Variants in SLAIN1 observed in about 807,000 individuals in gnomAD.
SLAIN1 encodes SLAIN motif-containing protein 1.
A neutral mutation model predicts 55.4 loss-of-function variants in SLAIN1; 17 were observed. That is an observed-to-expected ratio of 0.31 (90% CI 0.21 to 0.46). SLAIN1 has a LOEUF of 0.46. SLAIN1 is among the 20% of genes least tolerant of loss of function. SLAIN1 has a pLI of 1.00. For missense variants in SLAIN1, 682 were observed against 785.1 expected, an observed-to-expected ratio of 0.87 and a Z score of 1.57; for synonymous variants, 348 against 337.4, an observed-to-expected ratio of 1.03 and a Z score of -0.35.
At chr13:77,703,596 G>T (rs1165592397) in intron 1 of SLAIN1, among the ~76,000 whole-genome samples, 2 of 151,960 alleles carry the variant, frequency 1.3e-5, no homozygotes, top group Non-Finnish European at 2.9e-5. Flanking sequence ...GGCAGGGTTG[G>T]GGGTGGAGGG....
intron 5 of SLAIN1, among the ~76,000 whole-genome samples, chr13:77,758,912 G>A (rs977544588): frequency 5.9e-5 from 9 of 151,866 alleles, no homozygotes; most frequent in African/African-American, 2.2e-4. Context: ...TATGTGGGCC[G>A]TTTTTTGGTT....
At chr13:77,762,269 A>C (rs1345930141) in intron 6 of SLAIN1, among the ~76,000 whole-genome samples, 8 of 152,162 alleles carry the variant, frequency 5.3e-5, no homozygotes, top group Non-Finnish European at 1.2e-4. Flanking sequence ...GTTATTGTAG[A>C]CCATACATTT....
At chr13:77,742,938 C>G in intron 2 of SLAIN1, 21 of 600,164 alleles carry the variant, frequency 3.5e-5, no homozygotes, top group Non-Finnish European at 4.1e-5. Context: ...TTTTTTTATT[C>G]TCTTCCCTTT....
At position 77,744,549 on chromosome 13, in the gene SLAIN1, T is replaced by C. The variant is rs1290168028; in HGVS notation, c.916+117T>C. On this transcript the variant is annotated intron_variant, in intron 3 of 6. Coordinates refer to ENST00000418532, the MANE Select transcript of SLAIN1 (RefSeq NM_001242868.2). ...GCAAATAATTAGATTCTTTCTCTCA[T>C]ACTGTCCTACTTTTTAGGTGGAGCC... is the stretch of plus-strand genomic sequence containing the variant. 4 of 1,520,448 alleles carry C rather than the reference T, an allele frequency of 2.6e-6. No homozygotes were observed. In the East Asian group the frequency reaches 7.1e-5, roughly 27 times the overall value. 94.2% of individuals were successfully genotyped at this position (1,520,448 alleles called of 1,614,324 possible). A position where few individuals can be genotyped will look rare whatever the true frequency, so the allele number is the denominator to read the frequency against.
Position 77,746,214 on chromosome 13 carries a change from CTTGAT to C in SLAIN1, c.917-295_917-291del, listed in dbSNP as rs377534596. Among the ~76,000 whole-genome samples the C allele has an allele frequency of 2.6e-4, 40 of 152,134 alleles. No homozygotes were observed. The Middle Eastern group carries it at 0.01, about 39-fold the overall frequency. On this transcript the variant is annotated intron_variant, in intron 3 of 6. Coordinates refer to ENST00000418532, the MANE Select transcript of SLAIN1 (RefSeq NM_001242868.2). The stretch of plus-strand genomic sequence containing the variant: ...CCTAAGTTCCCCTTCTAAAATATCT[CTTGAT>C]TTGAAAAGGGGAAATTGATAGATAT...
intron 1 of SLAIN1, among the ~76,000 whole-genome samples, chr13:77,705,235 T>G (rs1410689263): frequency 6.6e-6 from 1 of 151,858 alleles, no homozygotes; most frequent in African/African-American, 2.4e-5. Context: ...TATCATGGGC[T>G]TTATATTATT....
At position 77,738,994 on chromosome 13, in the gene SLAIN1, C is replaced by T. The variant is rs139415511; in HGVS notation, c.767-5289C>T. On this transcript the variant is annotated intron_variant, in intron 2 of 6. Transcript: ENST00000418532. Reference sequence around the variant, plus strand: ...GGCATAATCCTTCCTTTTAACTGTGCGATGCAGTGCTGTAGGAACTAACTC... The same window carrying T: ...GGCATAATCCTTCCTTTTAACTGTGTGATGCAGTGCTGTAGGAACTAACTC... Among the ~76,000 whole-genome samples the T allele has an allele frequency of 1.2e-4, 18 of 152,066 alleles. No homozygotes were observed. The East Asian group carries it at 2.9e-3, about 25-fold the overall frequency.
rs144665441 is a variant in SLAIN1 at position 77,735,739 on chromosome 13, T to C, written c.767-8544T>C. ...TTGAGCTGGTGTGACAGAAACCCTA[T>C]GGCCAGCAAAATATCAGCTGGCCCT... On this transcript the variant is annotated intron_variant, in intron 2 of 6. Coordinates refer to ENST00000418532, the MANE Select transcript of SLAIN1 (RefSeq NM_001242868.2). Among the ~76,000 whole-genome samples the C allele has an allele frequency of 6.0e-3, 918 of 152,252 alleles. 5 individuals carry two copies. The highest frequency in any genetic ancestry group is 0.01 in the Non-Finnish European group (697 of 68,008).
chr13:77,744,490 G>T (rs770835632), intron 3 of SLAIN1, 58 bp downstream of exon 3: 2 of 1,600,618 alleles, frequency 1.2e-6, no homozygotes, highest in East Asian at 2.2e-5. Context: ...TACAGGCAGA[G>T]GGGGAGGTTC....
rs543256497 is a variant in SLAIN1 at position 77,701,825 on chromosome 13, G to A, written c.626+3286G>A. 2.0e-5 allele frequency among the ~76,000 whole-genome samples: 3 copies of A among 150,524 alleles called. No homozygotes were observed. In the South Asian group the frequency reaches 6.3e-4, roughly 32 times the overall value. On this transcript the variant is annotated intron_variant, in intron 1 of 6. Coordinates refer to ENST00000418532, the MANE Select transcript of SLAIN1 (RefSeq NM_001242868.2). The stretch of plus-strand genomic sequence containing the variant: ...GTACATGTGCACATTGTGCAGGTTA[G>A]TTACATATGTATACATGTGCCATGC...
intron 2 of SLAIN1, among the ~76,000 whole-genome samples, chr13:77,733,671 C>T (rs981447150): frequency 2.6e-5 from 4 of 152,054 alleles, no homozygotes; most frequent in Non-Finnish European, 4.4e-5. Flanking sequence ...GTTCTTCAAC[C>T]CTTCTTATGT....
In SLAIN1 at chr13:77,761,022, A is replaced by G. The variant is rs369194041; in HGVS notation, c.1609A>G (p.Ile537Val). The change falls in exon 6 of 7, where the codon ATA (isoleucine) becomes GTA (valine). Residue 537 changes from isoleucine to valine, a missense_variant. This residue lies in a region of SLAIN1 where 244 missense variants were observed against 295.2 expected (regional missense o/e 0.83). Transcript: ENST00000418532. ...ACCGAACAAAGCTGCAGCTTCTGGG[A>G]TAATGGGTCGCAGTGCACTCCCAAG... ...PTPNKAAASG[I>V]MGRSALPRPS... 6.2e-7 allele frequency: 1 copy of G among 1,614,214 alleles called. No individual in the cohort carries two copies. The highest frequency in any genetic ancestry group is 8.5e-7 in the Non-Finnish European group (1 of 1,180,034).
chr13:77,741,466 A>G (rs1873434511), intron 2 of SLAIN1: 1 of 986,576 alleles, frequency 1.0e-6, no homozygotes. Flanking sequence ...GATAAGTGAC[A>G]TATACGACTG....
Position 77,698,563 on chromosome 13 carries a change from C to T in SLAIN1, c.626+24C>T, listed in dbSNP as rs1411410166. On this transcript the variant is annotated intron_variant, in intron 1 of 6. Coordinates refer to ENST00000418532, the MANE Select transcript of SLAIN1 (RefSeq NM_001242868.2). This position sits in a 1 kb window ranked among gnomAD's most constrained non-coding sequence, Gnocchi z 4.1. Reference sequence around the variant, plus strand: ...TGGTACTGCCTGGCTCCGCTCCTTCCCCGAGACCCTGGCCTCGGGGGCTTC... The same window carrying T: ...TGGTACTGCCTGGCTCCGCTCCTTCTCCGAGACCCTGGCCTCGGGGGCTTC... 6 of 1,395,714 alleles carry T rather than the reference C, an allele frequency of 4.3e-6. No homozygotes were observed. In the South Asian group the frequency reaches 8.0e-5, roughly 19 times the overall value. The allele number at this position is 1,395,714 out of a possible 1,614,324, so 86.5% of individuals were successfully genotyped here.
chr13:77,699,155 G>A (rs1203767766), intron 1 of SLAIN1: 3 of 1,212,742 alleles, frequency 2.5e-6, no homozygotes, highest in Non-Finnish European at 3.4e-6. Context: ...TTTTAAAATG[G>A]GGTGACCTCA....
In SLAIN1 at chr13:77,698,342, C is replaced by G; in HGVS notation, c.429C>G (p.Pro143=). 6.9e-7 allele frequency: 1 copy of G among 1,447,998 alleles called. No homozygotes were observed. Among genetic ancestry groups the G allele is most frequent in the Non-Finnish European group, 9.1e-7 (1 of 1,102,394 alleles). 89.7% of individuals were successfully genotyped at this position (1,447,998 alleles called of 1,614,324 possible). The change falls in exon 1 of 7, where the codon CCC becomes CCG. Residue 143 remains proline, a synonymous_variant. Coordinates refer to ENST00000418532, the MANE Select transcript of SLAIN1 (RefSeq NM_001242868.2). This position sits in a 1 kb window ranked among gnomAD's most constrained non-coding sequence, Gnocchi z 4.1. ...TGCTTTGCAGCCTGGCGCAGCCACC[C>G]GAGGCGCCCTTCGTCTACTTCAAGC... ...PSLLCSLAQP[P]EAPFVYFKPA...
chr13:77,746,372 G>A, intron 3 of SLAIN1, 142 bp from the exon 4 acceptor site: 1 of 668,226 alleles, frequency 1.5e-6, no homozygotes, highest in Non-Finnish European at 2.4e-6. Flanking sequence ...TGGTAAACTT[G>A]TCAATTTAGT....
intron 4 of SLAIN1, 151 bp from the exon 5 acceptor site, chr13:77,753,052 C>T: frequency 1.4e-6 from 1 of 691,036 alleles, no homozygotes; most frequent in Non-Finnish European, 2.2e-6. Flanking sequence ...AGGGTGTTTT[C>T]CTGTACAATA....
chr13:77,720,308 A>T (rs1004790583), intron 2 of SLAIN1, among the ~76,000 whole-genome samples: 1 of 152,134 alleles, frequency 6.6e-6, no homozygotes, highest in African/African-American at 2.4e-5. Context: ...ACCTCTGGGC[A>T]TCTGTTTGAT....
Sources: gnomAD v4.1 joint callset for allele counts (sites outside exome capture counted in the v4.1 genomes callset) on GRCh38, gnomAD v4.1.1 for gene constraint, gnomAD v4.1.1 regional missense constraint, Gnocchi (gnomAD v3.1) non-coding constraint, MANE v1.5 for transcripts, NCBI Gene and HGNC (gene_info 2026-07-23, HGNC 2026-07-21) for gene names.